The following SOS1 variants were observed in gnomAD, a reference collection of about 807,000 sequenced individuals.
SOS1 encodes SOS Ras/Rac guanine nucleotide exchange factor 1.
Under a neutral mutation model 157.6 loss-of-function variants are expected in SOS1, and 25 were observed. That is an observed-to-expected ratio of 0.16 (90% CI 0.12 to 0.22). The LOEUF (loss-of-function observed/expected upper bound fraction) is 0.22. SOS1 is among the 10% of genes least tolerant of loss of function. The pLI is 1.00. For synonymous variants in SOS1, 528 were observed against 534.0 expected (o/e 0.99, Z 0.16); for missense variants, 1,237 against 1,599.1 (o/e 0.77, Z 3.86).
intron 1 of SOS1, among the ~76,000 whole-genome samples, chr2:39,098,898 A>G (rs1199766803): frequency 1.3e-5 from 2 of 152,216 alleles, no homozygotes; most frequent in Non-Finnish European, 2.9e-5. Flanking sequence ...CAAAAAAAAA[A>G]TATTCTTACA....
chr2:39,072,608 A>G (rs907534008), intron 1 of SOS1, among the ~76,000 whole-genome samples: 4 of 152,232 alleles, frequency 2.6e-5, no homozygotes, highest in African/African-American at 9.6e-5. Flanking sequence ...ATATAATTCA[A>G]ATGTTAAGTT....
intron 17 of SOS1, among the ~76,000 whole-genome samples, chr2:39,004,406 CAA>C (rs60882005): frequency 3.0e-5 from 2 of 66,528 alleles, no homozygotes; most frequent in Non-Finnish European, 5.1e-5. Flanking sequence ...GACTCTGTGT[CAA>C]AAAAAAAAAA....
upstream of SOS1, among the ~76,000 whole-genome samples, chr2:39,123,679 T>A (rs1322737624): frequency 6.6e-6 from 1 of 152,102 alleles, no homozygotes; most frequent in Non-Finnish European, 1.5e-5. Flanking sequence ...TCTTGTGCGT[T>A]TCGTTCTTCA....
intron 17 of SOS1, among the ~76,000 whole-genome samples, chr2:38,999,004 G>C (rs985484723): frequency 1.3e-5 from 2 of 152,182 alleles, no homozygotes; most frequent in Non-Finnish European, 2.9e-5. Flanking sequence ...TACATACTAG[G>C]AGGTGCTATA....
At chr2:39,105,387 G>C (rs190319628) in intron 1 of SOS1, among the ~76,000 whole-genome samples, 1 of 151,764 alleles carries the variant, frequency 6.6e-6, no homozygotes, top group Non-Finnish European at 1.5e-5. Flanking sequence ...AAAGTGCTGG[G>C]ATTACAGCTG....
chr2:39,027,729 C>T (rs141351203), intron 8 of SOS1, among the ~76,000 whole-genome samples: 1 of 152,060 alleles, frequency 6.6e-6, no homozygotes, highest in Non-Finnish European at 1.5e-5. Flanking sequence ...TACATTTGTA[C>T]AAAGGCAGTT....
intron 6 of SOS1, among the ~76,000 whole-genome samples, chr2:39,041,904 T>G (rs1051383262): frequency 5.9e-5 from 9 of 152,224 alleles, no homozygotes; most frequent in African/African-American, 2.2e-4. Flanking sequence ...GTACTTTCTG[T>G]GAATTATGTG....
chr2:39,010,514 C>CA (rs1669432353), intron 15 of SOS1, 70 bp downstream of exon 15: 3 of 1,474,146 alleles, frequency 2.0e-6, no homozygotes, highest in African/African-American at 1.4e-5. Context: ...AAAAAACAAA[C>CA]AAAAAAATTG....
chr2:39,060,018 G>A (rs1671345294), intron 2 of SOS1, among the ~76,000 whole-genome samples: 1 of 152,224 alleles, frequency 6.6e-6, no homozygotes, highest in East Asian at 1.9e-4. Flanking sequence ...CCAAAATATT[G>A]AGGAGGCATC....
intron 6 of SOS1, among the ~76,000 whole-genome samples, chr2:39,039,002 G>A (rs1340508433): frequency 6.6e-6 from 1 of 151,994 alleles, no homozygotes; most frequent in African/African-American, 2.4e-5. Context: ...TATTTAAACT[G>A]CCAGTCACCC....
chr2:39,028,579 A>G (rs1558477310), intron 8 of SOS1, among the ~76,000 whole-genome samples: 1 of 152,222 alleles, frequency 6.6e-6, no homozygotes, highest in Non-Finnish European at 1.5e-5. Flanking sequence ...GGCAGGTACT[A>G]GATCCACAAT....
chr2:39,046,563 G>C (rs2124587346), intron 6 of SOS1, among the ~76,000 whole-genome samples: 1 of 147,222 alleles, frequency 6.8e-6, no homozygotes, highest in East Asian at 2.0e-4. Flanking sequence ...GGAGTGCAGT[G>C]GCGGGATCTC....
intron 19 of SOS1, 131 bp downstream of exon 19, chr2:38,996,791 A>G (rs1432620489): frequency 1.5e-6 from 1 of 654,236 alleles, no homozygotes; most frequent in Non-Finnish European, 2.8e-6. Context: ...ATATTCCTGG[A>G]CATAATTATT....
At chr2:39,103,856 T>C (rs1317332587) in intron 1 of SOS1, among the ~76,000 whole-genome samples, 1 of 152,218 alleles carries the variant, frequency 6.6e-6, no homozygotes, top group Non-Finnish European at 1.5e-5. Flanking sequence ...ACTAAAAAGA[T>C]AAACTTTTGA....
chr2:39,084,078 A>G (rs1197261323), intron 1 of SOS1, among the ~76,000 whole-genome samples: 1 of 152,150 alleles, frequency 6.6e-6, no homozygotes. Context: ...GCCATCTATA[A>G]GCCAAGGAGA....
chr2:39,107,296 G>T (rs1409660473), intron 1 of SOS1, among the ~76,000 whole-genome samples: 1 of 152,038 alleles, frequency 6.6e-6, no homozygotes, highest in Non-Finnish European at 1.5e-5. Flanking sequence ...TTTGTGTCGA[G>T]GCCAGTTTCT....
rs7609455 is a variant in SOS1, at chr2:39,067,646, T to G, written c.195A>C (p.Arg65=). 8.2e-3 allele frequency: 13,266 copies of G among 1,613,400 alleles called. 628 individuals are homozygous for G. In the African/African-American group the frequency reaches 0.12, roughly 14 times the overall value. ...GTCATACCTCTACATCTGAAGCACT[T>G]CGGGGCTGAGCTTGGCATAGCATAT... The part of the protein sequence containing the change: ...LLNMLCQAQP[R]SASDVEERVQ... Residue 65 remains arginine, a synonymous_variant, in exon 2 of 23, where the codon CGA becomes CGC. Coordinates refer to ENST00000402219, the MANE Select transcript of SOS1 (RefSeq NM_005633.4).
intron 8 of SOS1, among the ~76,000 whole-genome samples, chr2:39,034,341 G>A (rs894087060): frequency 6.6e-6 from 1 of 152,102 alleles, no homozygotes; most frequent in Non-Finnish European, 1.5e-5. Context: ...TCATTACAGA[G>A]AGCCCATTTT....
At chr2:39,013,046 C>T (rs1669519245) in intron 13 of SOS1, among the ~76,000 whole-genome samples, 3 of 152,094 alleles carry the variant, frequency 2.0e-5, no homozygotes, top group Admixed American at 2.0e-4. Context: ...TGCCCAAAGT[C>T]ACGTATCTGA....
Sources: allele counts gnomAD v4.1 joint callset (sites outside exome capture counted in the v4.1 genomes callset), GRCh38; gene constraint gnomAD v4.1.1; transcripts MANE v1.5; gene names NCBI Gene and HGNC (gene_info 2026-07-23, HGNC 2026-07-21).